PCDHA5: variants seen among roughly 807,000 people sequenced by gnomAD.
PCDHA5 encodes protocadherin alpha-5.
PCDHA5 carries 43 observed loss-of-function variants against 61.6 expected under a neutral mutation model. The ratio of observed to expected loss-of-function variants is 0.70; its 90% confidence interval spans 0.55 to 0.90. PCDHA5 has a LOEUF of 0.90. Among genes scored for constraint, PCDHA5 ranks in the 40% least tolerant of loss-of-function variants. The pLI is 0.00. For synonymous variants in PCDHA5, 627 were observed against 543.9 expected (o/e 1.15, Z -2.13); for missense variants, 1,298 against 1,222.7 (o/e 1.06, Z -0.92).
rs781892888 is a variant in PCDHA5, at chr5:140,967,565, C to T, written c.2353-11384C>T. Reference sequence around the variant, plus strand: ...CCAGTCCACTTATCGCGTCCAGCTACGGGAGGACTCACCCCCAGGCACATT... The same window carrying T: ...CCAGTCCACTTATCGCGTCCAGCTATGGGAGGACTCACCCCCAGGCACATT... On this transcript the variant is annotated intron_variant, in intron 1 of 3. Transcript: ENST00000529859. The T allele has an allele frequency of 3.1e-6, 5 of 1,614,080 alleles. No individual in the cohort carries two copies. The highest frequency in any genetic ancestry group is 2.7e-5 in the African/African-American group (2 of 75,044).
At chr5:140,862,894 TTGTC>T (rs782757160) in intron 1 of PCDHA5, 2 of 559,636 alleles carry the variant, frequency 3.6e-6, no homozygotes, top group East Asian at 4.8e-5. Flanking sequence ...AACGACAACT[TTGTC>T]TGCGCTGCTG....
At chr5:141,004,213 GGTCA>G (rs3842022) in intron 3 of PCDHA5, among the ~76,000 whole-genome samples, 2 of 152,208 alleles carry the variant, frequency 1.3e-5, no homozygotes, top group East Asian at 3.8e-4. Context: ...CAGATTAGGA[GGTCA>G]GTCAGTGTTT....
chr5:140,872,429 C>T (rs2053657736), intron 1 of PCDHA5, among the ~76,000 whole-genome samples: 1 of 152,028 alleles, frequency 6.6e-6, no homozygotes, highest in Non-Finnish European at 1.5e-5. Flanking sequence ...GAGTTCGAGG[C>T]CTGCCTGGAC....
chr5:140,932,032 A>G (rs2087965086), intron 1 of PCDHA5, among the ~76,000 whole-genome samples: 1 of 151,934 alleles, frequency 6.6e-6, no homozygotes, highest in African/African-American at 2.4e-5. Context: ...TTTACAGTAT[A>G]TATTAACATA....
rs561153933 is a variant in PCDHA5, at chr5:140,927,279, G to A, written c.2353-51670G>A. Reference sequence around the variant, plus strand: ...CACCTCTCTTTCCTGCCGGCGACGTGCAGCTGCACATCCCCGAGTTCCTGA... The same window carrying A: ...CACCTCTCTTTCCTGCCGGCGACGTACAGCTGCACATCCCCGAGTTCCTGA... On this transcript the variant is annotated intron_variant, in intron 1 of 3. Transcript: ENST00000529859. 14 of 1,614,136 alleles carry A rather than the reference G, an allele frequency of 8.7e-6. 1 individual carries two copies. The South Asian group carries it at 1.4e-4, about 16-fold the overall frequency.
chr5:140,990,524 G>T (rs782064217), intron 3 of PCDHA5, among the ~76,000 whole-genome samples: 2 of 151,978 alleles, frequency 1.3e-5, no homozygotes, highest in Non-Finnish European at 2.9e-5. Flanking sequence ...TGTCTTTTTT[G>T]ACTGTGCATC....
chr5:141,000,389 C>CTATA (rs2097911342), intron 3 of PCDHA5, among the ~76,000 whole-genome samples: 3 of 62,588 alleles, frequency 4.8e-5, no homozygotes, highest in Non-Finnish European at 8.6e-5. Flanking sequence ...CTCTCTCTCT[C>CTATA]TCTCTCTATA....
At chr5:140,843,120 A>T (rs782103518) in intron 1 of PCDHA5, 2 of 1,595,472 alleles carry the variant, frequency 1.3e-6, no homozygotes, top group African/African-American at 2.7e-5. Flanking sequence ...GTGGACGCCG[A>T]CTCGGGCTAC....
At position 140,837,735 on chromosome 5, in the gene PCDHA5, G is replaced by C. The variant is rs1268467335; in HGVS notation, c.2352+13608G>C. On this transcript the variant is annotated intron_variant, in intron 1 of 3. Coordinates refer to ENST00000529859, the MANE Select transcript of PCDHA5 (RefSeq NM_018908.3). ...ATCACCCAGGCTGCTGAAATGCAGT[G>C]GTGGGATTATAGCCCACTGCAACCT... 1.3e-5 allele frequency among the ~76,000 whole-genome samples: 2 copies of C among 151,294 alleles called. 1 individual carries two copies. The highest frequency in any genetic ancestry group is 3.9e-4 in the East Asian group (2 of 5,172).
At chr5:140,934,533 C>T (rs1418320473) in intron 1 of PCDHA5, among the ~76,000 whole-genome samples, 5 of 152,086 alleles carry the variant, frequency 3.3e-5, no homozygotes, top group African/African-American at 4.8e-5. Flanking sequence ...CGAGAGCTAC[C>T]GTTCTAATTC....
chr5:141,004,350 G>A (rs2098163029), intron 3 of PCDHA5, among the ~76,000 whole-genome samples: 1 of 152,192 alleles, frequency 6.6e-6, no homozygotes, highest in South Asian at 2.1e-4. Context: ...GTGAGGGACT[G>A]GAGAGACCAC....
intron 1 of PCDHA5, among the ~76,000 whole-genome samples, chr5:140,978,596 C>T (rs2096811689): frequency 6.6e-6 from 1 of 152,204 alleles, no homozygotes; most frequent in African/African-American, 2.4e-5. Context: ...CTTAATGGGG[C>T]ACTTGAGGGC....
chr5:141,004,528 C>T (rs2098169666), intron 3 of PCDHA5, among the ~76,000 whole-genome samples: 1 of 152,230 alleles, frequency 6.6e-6, no homozygotes, highest in Non-Finnish European at 1.5e-5. Flanking sequence ...CCAATACACA[C>T]AGCCATTAAT....
In PCDHA5 at chr5:140,821,781, A is replaced by T; in HGVS notation, c.6A>T (p.Val2=). The change falls in exon 1 of 4, where the codon GTA becomes GTT. Residue 2 remains valine, a synonymous_variant. Transcript: ENST00000529859. The part of the protein sequence containing the change: M[V]YSRRGSLGSR... Reference sequence around the variant, plus strand: ...ATAATTGGAACGAGATTGAGATGGTATATTCCCGGAGAGGAAGTCTGGGAT... The same window carrying T: ...ATAATTGGAACGAGATTGAGATGGTTTATTCCCGGAGAGGAAGTCTGGGAT... The T allele has an allele frequency of 1.2e-6, 2 of 1,609,938 alleles. No homozygotes were observed. Among genetic ancestry groups the T allele is most frequent in the Non-Finnish European group, 1.7e-6 (2 of 1,177,794 alleles).
chr5:140,932,088 T>G (rs2088018403), intron 1 of PCDHA5, among the ~76,000 whole-genome samples: 1 of 151,932 alleles, frequency 6.6e-6, no homozygotes, highest in Non-Finnish European at 1.5e-5. Context: ...CAGGAAAACA[T>G]GGTTTTTATC....
chr5:140,881,121 C>G (rs1456322924), intron 1 of PCDHA5, among the ~76,000 whole-genome samples: 4 of 152,122 alleles, frequency 2.6e-5, no homozygotes, highest in Non-Finnish European at 4.4e-5. Flanking sequence ...GATTTTGTGG[C>G]TTGGTAGAGA....
chr5:140,970,814 C>T (rs1175939096), intron 1 of PCDHA5, among the ~76,000 whole-genome samples: 1 of 152,068 alleles, frequency 6.6e-6, no homozygotes, highest in Non-Finnish European at 1.5e-5. Flanking sequence ...ATTTCAAGTT[C>T]ATGGTAATCT....
intron 1 of PCDHA5, chr5:140,871,241 C>CGCT (rs1268066555): frequency 1.2e-6 from 2 of 1,613,972 alleles, no homozygotes; most frequent in African/African-American, 2.7e-5. Context: ...CTGGTACTCA[C>CGCT]GCTGCTGCTG....
chr5:140,924,132 T>C (rs1417924703), intron 1 of PCDHA5, among the ~76,000 whole-genome samples: 1 of 152,246 alleles, frequency 6.6e-6, no homozygotes, highest in East Asian at 1.9e-4. Flanking sequence ...TTAGCAGCAT[T>C]AATTTAAAAT....
Sources: gnomAD v4.1 joint callset for allele counts (sites outside exome capture counted in the v4.1 genomes callset) on GRCh38, gnomAD v4.1.1 for gene constraint, MANE v1.5 for transcripts, NCBI Gene and HGNC (gene_info 2026-07-23, HGNC 2026-07-21) for gene names.